LUZP2: variants seen among roughly 807,000 people sequenced by gnomAD.
LUZP2 encodes leucine zipper protein 2.
In LUZP2, 52 loss-of-function variants were observed where a neutral mutation model predicts 51.6. That is an observed-to-expected ratio of 1.01 (90% confidence interval 0.81 to 1.27). LUZP2 has a LOEUF of 1.27. Ranked by LOEUF, LUZP2 falls within the 50% of genes most tolerant of loss-of-function variation. The pLI is 0.00. For missense variants in LUZP2, 436 were observed against 395.4 expected (o/e 1.10, Z -0.87); for synonymous variants, 154 against 137.3 (o/e 1.12, Z -0.85).
chr11:24,658,270 G>A (rs773534754), intron 1 of LUZP2, among the ~76,000 whole-genome samples: 25 of 152,154 alleles, frequency 1.6e-4, no homozygotes, highest in Admixed American at 3.9e-4. Flanking sequence ...AAATAATGCC[G>A]CCTATCTACA....
chr11:25,077,690 G>T (rs1026611526), intron 11 of LUZP2, among the ~76,000 whole-genome samples: 1 of 151,766 alleles, frequency 6.6e-6, no homozygotes, highest in African/African-American at 2.4e-5. Context: ...TAGAGACGGG[G>T]TTTCACTGTG....
intron 7 of LUZP2, among the ~76,000 whole-genome samples, chr11:24,934,808 A>T (rs1397127031): frequency 6.6e-6 from 1 of 152,098 alleles, no homozygotes; most frequent in African/African-American, 2.4e-5. Context: ...TCTCATTCTC[A>T]TATTTGAAGT....
At chr11:24,535,781 C>T (rs1490382262) in intron 1 of LUZP2, among the ~76,000 whole-genome samples, 1 of 151,660 alleles carries the variant, frequency 6.6e-6, no homozygotes, top group East Asian at 1.9e-4. Flanking sequence ...TTGACCTCCC[C>T]ACTGTGACTT....
chr11:25,056,580 C>T (rs145928489), intron 10 of LUZP2, among the ~76,000 whole-genome samples: 22 of 152,152 alleles, frequency 1.4e-4, no homozygotes, highest in African/African-American at 3.9e-4. Flanking sequence ...CTAACATTGT[C>T]GCTCTGGGAA....
intron 7 of LUZP2, among the ~76,000 whole-genome samples, chr11:24,972,595 A>G (rs1855773300): frequency 6.6e-6 from 1 of 152,064 alleles, no homozygotes; most frequent in African/African-American, 2.4e-5. Context: ...TCTATTTTTG[A>G]GTATGTTCCT....
At chr11:24,841,394 G>A (rs1014355507) in intron 5 of LUZP2, among the ~76,000 whole-genome samples, 3 of 151,978 alleles carry the variant, frequency 2.0e-5, no homozygotes, top group East Asian at 1.9e-4. Flanking sequence ...TGTTGCTTAC[G>A]CCACCTGGTC....
intron 1 of LUZP2, among the ~76,000 whole-genome samples, chr11:24,574,469 G>C (rs1346549925): frequency 6.6e-6 from 1 of 150,938 alleles, no homozygotes; most frequent in Non-Finnish European, 1.5e-5. Context: ...ATGTGACTTA[G>C]AAACTAAACA....
At chr11:25,048,829 A>T (rs183332502) in intron 9 of LUZP2, among the ~76,000 whole-genome samples, 180 of 151,232 alleles carry the variant, frequency 1.2e-3, no homozygotes, top group African/African-American at 4.0e-3. Flanking sequence ...TATTTATTTA[A>T]TTAATTAATT....
At chr11:24,742,081 A>G (rs886488202) in intron 4 of LUZP2, among the ~76,000 whole-genome samples, 2 of 141,620 alleles carry the variant, frequency 1.4e-5, no homozygotes, top group East Asian at 2.0e-4. Context: ...ATATATCACC[A>G]TTTCTTTATC....
At chr11:24,746,183 G>T (rs188596217) in intron 4 of LUZP2, among the ~76,000 whole-genome samples, 2 of 152,262 alleles carry the variant, frequency 1.3e-5, no homozygotes, top group East Asian at 3.9e-4. Flanking sequence ...GTTCTGTTTT[G>T]ATGTTTCCAG....
At chr11:24,584,318 C>T (rs1423335579) in intron 1 of LUZP2, among the ~76,000 whole-genome samples, 1 of 152,134 alleles carries the variant, frequency 6.6e-6, no homozygotes, top group African/African-American at 2.4e-5. Context: ...ACTTAGTAGC[C>T]TAAATTCTGG....
chr11:24,506,465 A>T (rs1417625657), intron 1 of LUZP2, among the ~76,000 whole-genome samples: 3 of 152,102 alleles, frequency 2.0e-5, no homozygotes, highest in Non-Finnish European at 2.9e-5. Context: ...TTTCCTTCAG[A>T]TGCCACAGAG....
intron 1 of LUZP2, among the ~76,000 whole-genome samples, chr11:24,727,223 T>C (rs1183703366): frequency 6.6e-6 from 1 of 152,030 alleles, no homozygotes; most frequent in South Asian, 2.1e-4. Context: ...AGAAGCAATA[T>C]ACAGTAAGTT....
intron 1 of LUZP2, among the ~76,000 whole-genome samples, chr11:24,581,497 C>T (rs1421057829): frequency 6.6e-6 from 1 of 150,750 alleles, no homozygotes; most frequent in Non-Finnish European, 1.5e-5. Context: ...ATGGCGAAAT[C>T]CCATCTGGAC....
chr11:24,892,983 A>C (rs1001670007), intron 5 of LUZP2: 1 of 152,180 alleles, frequency 6.6e-6, no homozygotes, highest in African/African-American at 2.4e-5. Context: ...ACATCACCTA[A>C]CTTTGTCACA....
intron 5 of LUZP2, among the ~76,000 whole-genome samples, chr11:24,790,105 ACT>A (rs916822157): frequency 1.3e-5 from 2 of 151,716 alleles, no homozygotes; most frequent in African/African-American, 2.4e-5. Flanking sequence ...CATAAATTTC[ACT>A]CTCTCTTTCA....
intron 7 of LUZP2, among the ~76,000 whole-genome samples, chr11:24,924,565 G>A (rs2133821682): frequency 6.6e-6 from 1 of 152,278 alleles, no homozygotes; most frequent in Non-Finnish European, 1.5e-5. Flanking sequence ...AAATCAAAAA[G>A]TATATGAGAC....
intron 1 of LUZP2, among the ~76,000 whole-genome samples, chr11:24,722,558 A>C (rs940824676): frequency 6.6e-6 from 1 of 152,158 alleles, no homozygotes; most frequent in Non-Finnish European, 1.5e-5. Flanking sequence ...TTGGGAGGGG[A>C]CACAGCCAAA....
intron 1 of LUZP2, among the ~76,000 whole-genome samples, chr11:24,594,911 C>CA (rs1288124291): frequency 6.6e-6 from 1 of 151,726 alleles, no homozygotes; most frequent in African/African-American, 2.4e-5. Flanking sequence ...AGGCATGCAC[C>CA]ACCATGCCCG....
Sources: gnomAD v4.1 joint callset for allele counts (sites outside exome capture counted in the v4.1 genomes callset) on GRCh38, gnomAD v4.1.1 for gene constraint, MANE v1.5 for transcripts, NCBI Gene and HGNC (gene_info 2026-07-23, HGNC 2026-07-21) for gene names.